Variants in MYO16 observed in about 807,000 individuals in gnomAD.
MYO16 encodes myosin XVI, also known as unconventional myosin-XVI.
In MYO16, 94 loss-of-function variants were observed where a neutral mutation model predicts 205.3. That is an observed-to-expected ratio of 0.46 (90% CI 0.39 to 0.54). The LOEUF is 0.54. MYO16 is among the 20% of genes least tolerant of loss of function. The pLI is 0.00. For missense variants in MYO16, 2,315 were observed against 2,387.5 expected (o/e 0.97, Z 0.63); for synonymous variants, 988 against 954.0 (o/e 1.04, Z -0.66).
At chr13:109,041,409 A>G (rs1380557645) in intron 23 of MYO16, among the ~76,000 whole-genome samples, 1 of 152,238 alleles carries the variant, frequency 6.6e-6, no homozygotes, top group Non-Finnish European at 1.5e-5. Context: ...TAAAGAAGAT[A>G]GAATAGCTAA....
chr13:108,998,839 T>C (rs1885122492), intron 21 of MYO16, among the ~76,000 whole-genome samples: 1 of 152,200 alleles, frequency 6.6e-6, no homozygotes, highest in Non-Finnish European at 1.5e-5. Context: ...CCCTATGGCT[T>C]CTATGTACAT....
intron 4 of MYO16, among the ~76,000 whole-genome samples, chr13:108,746,276 G>A (rs1885060711): frequency 6.6e-6 from 1 of 152,096 alleles, no homozygotes; most frequent in Non-Finnish European, 1.5e-5. Context: ...CAGTAGACTG[G>A]ACATAGGCAA....
chr13:108,638,605 T>C (rs971518683), intron 1 of MYO16, among the ~76,000 whole-genome samples: 1 of 152,136 alleles, frequency 6.6e-6, no homozygotes, highest in South Asian at 2.1e-4. Flanking sequence ...TAATTGTCCT[T>C]GTAACACTGA....
intron 4 of MYO16, among the ~76,000 whole-genome samples, chr13:108,730,895 A>G (rs1884499529): frequency 2.0e-5 from 3 of 152,184 alleles, no homozygotes; most frequent in African/African-American, 7.2e-5. Flanking sequence ...TCTTTGATAC[A>G]TGCCCGCATT....
chr13:108,952,080 C>T (rs999786044), intron 16 of MYO16, among the ~76,000 whole-genome samples: 1 of 151,372 alleles, frequency 6.6e-6, no homozygotes, highest in Non-Finnish European at 1.5e-5. Flanking sequence ...CATTGCACTC[C>T]AGCCTGGGAA....
chr13:108,762,204 A>G (rs1281113626), intron 4 of MYO16, among the ~76,000 whole-genome samples: 1 of 152,186 alleles, frequency 6.6e-6, no homozygotes, highest in African/African-American at 2.4e-5. Flanking sequence ...GTAGTATTCC[A>G]TCGTCTATAA....
chr13:109,053,306 A>G (rs1887309718), intron 25 of MYO16, among the ~76,000 whole-genome samples: 1 of 150,408 alleles, frequency 6.6e-6, no homozygotes, highest in Non-Finnish European at 1.5e-5. Flanking sequence ...CAAAATGTGT[A>G]ATATGAGTGT....
At chr13:108,719,867 G>A (rs1179462675) in intron 3 of MYO16, among the ~76,000 whole-genome samples, 1 of 152,108 alleles carries the variant, frequency 6.6e-6, no homozygotes, top group Non-Finnish European at 1.5e-5. Flanking sequence ...TATATACCTT[G>A]CCAAGTACAG....
At chr13:109,057,814 G>A (rs372460526) in intron 27 of MYO16, among the ~76,000 whole-genome samples, 48 of 152,010 alleles carry the variant, frequency 3.2e-4, no homozygotes, top group African/African-American at 9.2e-4. Context: ...AGTAGGGACC[G>A]GGCTCCCCCT....
chr13:108,664,068 C>G (rs1231926160), intron 1 of MYO16, among the ~76,000 whole-genome samples: 1 of 152,176 alleles, frequency 6.6e-6, no homozygotes, highest in Non-Finnish European at 1.5e-5. Flanking sequence ...AATTTGTCAT[C>G]GTTTCAGAAC....
At chr13:108,857,792 T>C (rs1314735368) in intron 11 of MYO16, among the ~76,000 whole-genome samples, 1 of 152,256 alleles carries the variant, frequency 6.6e-6, no homozygotes, top group Non-Finnish European at 1.5e-5. Context: ...ATCAAACTCC[T>C]GCCTCTAGCT....
rs144436702 is a variant in MYO16 at position 109,016,852 on chromosome 13, A to G, written c.2596-2859A>G. Among the ~76,000 whole-genome samples the G allele has an allele frequency of 2.8e-3, 426 of 151,690 alleles. 4 individuals are homozygous for G. The highest frequency in any genetic ancestry group is 9.8e-3 in the African/African-American group (404 of 41,334). Reference sequence around the variant, plus strand: ...CTCCATCTCTTTATTTTGAGCCTATATATGTCTCTGCATGTGAGATGGGTC... The same window carrying G: ...CTCCATCTCTTTATTTTGAGCCTATGTATGTCTCTGCATGTGAGATGGGTC... On this transcript the variant is annotated intron_variant, in intron 22 of 34. Coordinates refer to ENST00000457511, the MANE Select transcript of MYO16 (RefSeq NM_001198950.3).
intron 4 of MYO16, among the ~76,000 whole-genome samples, chr13:108,750,139 G>A (rs768650779): frequency 6.6e-6 from 1 of 152,172 alleles, no homozygotes; most frequent in Non-Finnish European, 1.5e-5. Flanking sequence ...GAAGCTTAGG[G>A]GATTTTTTAG....
intron 7 of MYO16, among the ~76,000 whole-genome samples, chr13:108,808,116 A>G (rs769426630): frequency 6.6e-6 from 1 of 152,090 alleles, no homozygotes; most frequent in Non-Finnish European, 1.5e-5. Flanking sequence ...AGAATCCAAA[A>G]TTCTGATTAG....
chr13:108,845,480 C>A (rs542842063), intron 10 of MYO16, among the ~76,000 whole-genome samples: 1 of 151,880 alleles, frequency 6.6e-6, no homozygotes, highest in East Asian at 1.9e-4. Context: ...CAGCAGGAGG[C>A]AGGGAAAATG....
intron 6 of MYO16, among the ~76,000 whole-genome samples, chr13:108,795,391 T>G (rs965763175): frequency 1.3e-4 from 20 of 152,024 alleles, no homozygotes; most frequent in East Asian, 3.9e-4. Context: ...TGTATTTTTA[T>G]TAGAGACGGG....
intron 31 of MYO16, among the ~76,000 whole-genome samples, chr13:109,137,085 C>T (rs1477933561): frequency 6.6e-6 from 1 of 152,182 alleles, no homozygotes; most frequent in Non-Finnish European, 1.5e-5. Flanking sequence ...GATGGGAAAC[C>T]AGACAGCTGA....
intron 32 of MYO16, among the ~76,000 whole-genome samples, chr13:109,146,664 G>T (rs558682530): frequency 1.3e-5 from 2 of 152,096 alleles, no homozygotes; most frequent in Non-Finnish European, 1.5e-5. Context: ...AGGCATGGTG[G>T]CATGTGCCTG....
chr13:108,894,676 A>T (rs932213160), intron 14 of MYO16, among the ~76,000 whole-genome samples: 6 of 152,286 alleles, frequency 3.9e-5, no homozygotes, highest in Non-Finnish European at 5.9e-5. Flanking sequence ...CTTACACCTC[A>T]TTTGGCCCAT....
Sources: gnomAD v4.1 joint callset for allele counts (sites outside exome capture counted in the v4.1 genomes callset) on GRCh38, gnomAD v4.1.1 for gene constraint, MANE v1.5 for transcripts, NCBI Gene and HGNC (gene_info 2026-07-23, HGNC 2026-07-21) for gene names.